TAF11: variants seen among roughly 807,000 people sequenced by gnomAD.
TAF11 encodes the protein TATA-box binding protein associated factor 11.
A neutral mutation model predicts 23.0 loss-of-function variants in TAF11; 10 were observed. The observed-to-expected ratio is 0.43, with a 90% CI of 0.27 to 0.74. The LOEUF is 0.74. Among genes scored for constraint, TAF11 ranks in the 30% least tolerant of loss-of-function variants. The pLI is 0.19. For synonymous variants in TAF11, 85 were observed against 95.8 expected, an observed-to-expected ratio of 0.89 and a Z score of 0.66; for missense variants, 196 against 261.7, an observed-to-expected ratio of 0.75 and a Z score of 1.73.
chr6:34,879,924 C>T, intron 4 of TAF11, 43 bp downstream of exon 4: 1 of 1,593,270 alleles, frequency 6.3e-7, no homozygotes, highest in Non-Finnish European at 8.6e-7. Context: ...AAAAATAAGA[C>T]CACCACAGGT....
intron 4 of TAF11, chr6:34,879,688 G>A (rs181582407): frequency 1.0e-6 from 1 of 985,362 alleles, no homozygotes; most frequent in African/African-American, 1.7e-5. Context: ...CAGCAGAAAT[G>A]AGCAAAGTCC....
chr6:34,878,865 G>T (rs1240794299), intron 4 of TAF11, 145 bp from the exon 5 acceptor site: 3 of 688,216 alleles, frequency 4.4e-6, no homozygotes, highest in Non-Finnish European at 7.3e-6. Context: ...GAGAATATTA[G>T]TATAACGTCT....
rs1252042573 is a variant in TAF11 at position 34,883,017 on chromosome 6, G to T, written c.235C>A (p.Pro79Thr). The T allele has an allele frequency of 8.1e-6, 13 of 1,611,908 alleles. No individual in the cohort carries two copies. The highest frequency in any genetic ancestry group is 1.1e-5 in the Non-Finnish European group (13 of 1,179,354). ...VEREDSSLLNPAAKKLKIDTK... is the reference protein window; with the variant it reads ...VEREDSSLLNTAAKKLKIDTK... The stretch of plus-strand genomic sequence containing the variant: ...TCTATTTTCAGTTTTTTGGCTGCAG[G>T]ATTAAGTAATGATGAGTCTTCCCTT... The change falls in exon 2 of 5, where the codon CCT becomes ACT. Residue 79 changes from proline (P) to threonine (T), a missense_variant. Physicochemically the swap from Pro to Thr is conservative, Grantham distance 38 (BLOSUM62 -1). Coordinates refer to ENST00000361288, the MANE Select transcript of TAF11 (RefSeq NM_005643.4).
In TAF11 at chr6:34,880,278, T is replaced by C. The variant is rs368708305; in HGVS notation, c.408+11A>G. On this transcript the variant is annotated intron_variant, in intron 3 of 4. Transcript: ENST00000361288. This position sits in a 1 kb window ranked among gnomAD's most constrained non-coding sequence, Gnocchi z 4.8. The stretch of plus-strand genomic sequence containing the variant: ...ACGTGATGGAGATGAAGTGTGGTGG[T>C]CCATCCTTACCCTTTTGATGGCTGC... 4.0e-5 allele frequency: 64 copies of C among 1,613,770 alleles called. No individual in the cohort carries two copies. The African/African-American group carries it at 8.0e-4, about 20-fold the overall frequency.
At position 34,880,054 on chromosome 6, in the gene TAF11, A is replaced by G. The variant is rs1766393641; in HGVS notation, c.418T>C (p.Ser140Pro). The change falls in exon 4 of 5, where the codon TCC becomes CCC. Residue 140 changes from serine to proline, a missense_variant. Coordinates refer to ENST00000361288, the MANE Select transcript of TAF11 (RefSeq NM_005643.4). The surrounding 1 kb of genome is among the most constrained non-coding windows in gnomAD (Gnocchi z 4.8). ...PKAAIKRLIQ[S>P]ITGTSVSQNV... is the part of the protein sequence containing the mutation. ...TGAGACACAGAGGTGCCAGTGATGG[A>G]CTGGATCAGCTTGAAAGAAGCACAA... The G allele has an allele frequency of 6.2e-7, 1 of 1,614,090 alleles. No individual in the cohort carries two copies. Among genetic ancestry groups the G allele is most frequent in the Non-Finnish European group, 8.5e-7 (1 of 1,179,976 alleles).
Position 34,880,219 on chromosome 6 carries a change from G to A in TAF11, c.408+70C>T, listed in dbSNP as rs901878236. On this transcript the variant is annotated intron_variant, in intron 3 of 4. Transcript: ENST00000361288. This position sits in a 1 kb window ranked among gnomAD's most constrained non-coding sequence, Gnocchi z 4.8. Reference sequence around the variant, plus strand: ...ACTTGTCTAACACCTCACTTCAAATGCCAATGGACATGGCTCTTGAGTTCA... The same window carrying A: ...ACTTGTCTAACACCTCACTTCAAATACCAATGGACATGGCTCTTGAGTTCA... 66 of 1,569,234 alleles carry A rather than the reference G, an allele frequency of 4.2e-5. No individual in the cohort carries two copies. Among genetic ancestry groups the A allele is most frequent in the Non-Finnish European group, 5.6e-5 (64 of 1,142,324 alleles).
At position 34,878,349 on chromosome 6, in the gene TAF11, T is replaced by C. The variant is rs971269118; in HGVS notation, c.*241A>G. 1 of 460,584 alleles carries C rather than the reference T, an allele frequency of 2.2e-6. No individual in the cohort carries two copies. The highest frequency in any genetic ancestry group is 3.9e-6 in the Non-Finnish European group (1 of 256,378). 28.5% of individuals were successfully genotyped at this position (460,584 alleles called of 1,614,324 possible). A position where few individuals can be genotyped will look rare whatever the true frequency, so the allele number is the denominator to read the frequency against. ...TATGGCCCACGTATCTTCTTCCAAC[T>C]GGTCAAGACAGTTAAATACTTCAAA... On this transcript the variant is annotated 3_prime_UTR_variant, in exon 5 of 5. Coordinates refer to ENST00000361288, the MANE Select transcript of TAF11 (RefSeq NM_005643.4).
chr6:34,882,174 C>T (rs945092463), intron 2 of TAF11, among the ~76,000 whole-genome samples: 6 of 147,754 alleles, frequency 4.1e-5, no homozygotes, highest in Admixed American at 4.1e-4. Context: ...CCTGTATCTA[C>T]TAAAAATACA....
rs375096187 is a variant in TAF11 at position 34,883,077 on chromosome 6, C to T, written c.175G>A (p.Glu59Lys). The stretch of plus-strand genomic sequence containing the variant: ...GTTAAATCTGAGACATCCTGACTCT[C>T]GAGCTGGGAAGATGAAAGAAACTCT... Reference protein sequence around the residue: ...KEAAAEEGELESQDVSDLTTV... With the variant: ...KEAAAEEGELKSQDVSDLTTV... The change falls in exon 2 of 5, where the codon GAG (glutamate) becomes AAG (lysine). Residue 59 changes from glutamate (E) to lysine (K), a missense_variant. Coordinates refer to ENST00000361288, the MANE Select transcript of TAF11 (RefSeq NM_005643.4). 18 of 1,606,408 alleles carry T rather than the reference C, an allele frequency of 1.1e-5. No individual in the cohort carries two copies. The highest frequency in any genetic ancestry group is 4.5e-5 in the East Asian group (2 of 44,708).
At chr6:34,881,394 C>T (rs1319396891) in intron 2 of TAF11, among the ~76,000 whole-genome samples, 5 of 152,078 alleles carry the variant, frequency 3.3e-5, no homozygotes, top group East Asian at 1.9e-4. Context: ...GTGAACTCTG[C>T]GTGGTGAGTT....
At position 34,877,900 on chromosome 6, in the gene TAF11, A is replaced by T. The variant is rs947127582; in HGVS notation, c.*690T>A. ...GCATCCTTCATGGTAGAGTATCACAAGTAAAAGTTTCTGGTTGTTTCATCT... is the reference window on the plus strand; with the variant it reads ...GCATCCTTCATGGTAGAGTATCACATGTAAAAGTTTCTGGTTGTTTCATCT... On this transcript the variant is annotated 3_prime_UTR_variant, in exon 5 of 5. Transcript: ENST00000361288. The T allele has an allele frequency of 6.6e-6, 1 of 152,182 alleles. No individual in the cohort carries two copies. Among genetic ancestry groups the T allele is most frequent in the African/African-American group, 2.4e-5 (1 of 41,430 alleles). 9.4% of individuals were successfully genotyped at this position (152,182 alleles called of 1,614,324 possible). A position where few individuals can be genotyped will look rare whatever the true frequency, so the allele number is the denominator to read the frequency against.
rs1766340036 is a variant in TAF11 at position 34,878,032 on chromosome 6, T to G, written c.*558A>C. 1 of 152,466 alleles carries G rather than the reference T, an allele frequency of 6.6e-6. No individual in the cohort carries two copies. The highest frequency in any genetic ancestry group is 2.4e-5 in the African/African-American group (1 of 41,446). 9.4% of individuals were successfully genotyped at this position (152,466 alleles called of 1,614,324 possible). A position where few individuals can be genotyped will look rare whatever the true frequency, so the allele number is the denominator to read the frequency against. ...TAGGAGGCTGAGGCAGGAGGACTGC[T>G]TGAAGCCAGGAGTTCACGACCAGCC... On this transcript the variant is annotated 3_prime_UTR_variant, in exon 5 of 5. Coordinates refer to ENST00000361288, the MANE Select transcript of TAF11 (RefSeq NM_005643.4).
chr6:34,885,906 G>C (rs183358500), intron 1 of TAF11, among the ~76,000 whole-genome samples: 2 of 152,194 alleles, frequency 1.3e-5, no homozygotes, highest in Admixed American at 1.3e-4. Flanking sequence ...TGGATCATGA[G>C]GTCAGGAGTT....
intron 2 of TAF11, among the ~76,000 whole-genome samples, chr6:34,881,902 T>C (rs1766433354): frequency 6.6e-6 from 1 of 151,474 alleles, no homozygotes; most frequent in Non-Finnish European, 1.5e-5. Context: ...TTCACCATGT[T>C]GGCCAGGCTG....
chr6:34,883,465 A>G (rs1766480715), intron 1 of TAF11, among the ~76,000 whole-genome samples: 1 of 152,132 alleles, frequency 6.6e-6, no homozygotes, highest in Admixed American at 6.6e-5. Flanking sequence ...TTCCAGATCT[A>G]TAGATCTCTT....
chr6:34,885,161 A>G (rs961843156), intron 1 of TAF11, among the ~76,000 whole-genome samples: 4 of 151,838 alleles, frequency 2.6e-5, no homozygotes, highest in African/African-American at 9.7e-5. Flanking sequence ...AGCTCACTGA[A>G]GCCTCAAGTG....
chr6:34,881,659 G>A (rs1766426192), intron 2 of TAF11, among the ~76,000 whole-genome samples: 1 of 151,932 alleles, frequency 6.6e-6, no homozygotes, highest in Admixed American at 6.6e-5. Context: ...CTTATAAGCA[G>A]GATATATCTC....
At chr6:34,882,645 AAAAAAT>A (rs1490011873) in intron 2 of TAF11, among the ~76,000 whole-genome samples, 2 of 151,510 alleles carry the variant, frequency 1.3e-5, no homozygotes, top group Non-Finnish European at 2.9e-5. Flanking sequence ...CTCTATCTCA[AAAAAAT>A]AAAAAATAAA....
In TAF11 at chr6:34,883,003, T is replaced by C. The variant is rs750239181; in HGVS notation, c.249A>G (p.Lys83=). Residue 83 remains lysine (K), a synonymous_variant, in exon 2 of 5, where the codon AAA becomes AAG. Coordinates refer to ENST00000361288, the MANE Select transcript of TAF11 (RefSeq NM_005643.4). ...TCTTTTCTTTGGTATCTATTTTCAG[T>C]TTTTTGGCTGCAGGATTAAGTAATG... ...DSSLLNPAAK[K]LKIDTKEKKE... is the part of the protein sequence containing the mutation. 60 of 1,611,548 alleles carry C rather than the reference T, an allele frequency of 3.7e-5. No homozygotes were observed. The South Asian group carries it at 6.4e-4, about 17-fold the overall frequency.
Sources: gnomAD v4.1 joint callset for allele counts (sites outside exome capture counted in the v4.1 genomes callset) on GRCh38, gnomAD v4.1.1 for gene constraint, Gnocchi (gnomAD v3.1) non-coding constraint, MANE v1.5 for transcripts, NCBI Gene and HGNC (gene_info 2026-07-23, HGNC 2026-07-21) for gene names.